PDE11A: variants seen among roughly 807,000 people sequenced by gnomAD.
The protein encoded by PDE11A is phosphodiesterase 11A.
In PDE11A, 100 loss-of-function variants were observed where a neutral mutation model predicts 100.5. The ratio of observed to expected loss-of-function variants is 1.00; its 90% CI spans 0.85 to 1.18. PDE11A has a LOEUF of 1.18. Ranked by LOEUF, PDE11A falls within the 50% of genes most tolerant of loss-of-function variation. The pLI is 0.00. For synonymous variants in PDE11A, 381 were observed against 420.8 expected, an observed-to-expected ratio of 0.91 and a Z score of 1.16; for missense variants, 1,141 against 1,152.6, an observed-to-expected ratio of 0.99 and a Z score of 0.15.
At chr2:177,658,191 C>A (rs2080418812) in intron 19 of PDE11A, among the ~76,000 whole-genome samples, 1 of 152,130 alleles carries the variant, frequency 6.6e-6, no homozygotes, top group Non-Finnish European at 1.5e-5. Context: ...TTGAAGGTCA[C>A]AAAATCATCA....
intron 13 of PDE11A, among the ~76,000 whole-genome samples, chr2:177,710,093 C>A (rs1470064419): frequency 6.6e-6 from 1 of 151,494 alleles, no homozygotes; most frequent in Non-Finnish European, 1.5e-5. Flanking sequence ...AGACAGCCAG[C>A]AGAAAGGGAC....
At position 177,711,750 on chromosome 2, in the gene PDE11A, A is replaced by C; in HGVS notation, c.2153+19T>G. The stretch of plus-strand genomic sequence containing the variant: ...AGAAAGGCAAATGCATTAAAATAAC[A>C]ACAGTTTAGAACACTTACTTAGCTT... On this transcript the variant is annotated intron_variant, in intron 13 of 19. Transcript: ENST00000286063. The C allele has an allele frequency of 1.6e-6, 2 of 1,282,802 alleles. No homozygotes were observed. Among genetic ancestry groups the C allele is most frequent in the Non-Finnish European group, 2.3e-6 (2 of 877,802 alleles). 79.5% of individuals were successfully genotyped at this position (1,282,802 alleles called of 1,614,324 possible).
chr2:177,756,175 G>T (rs909568436), intron 10 of PDE11A, among the ~76,000 whole-genome samples: 1 of 152,294 alleles, frequency 6.6e-6, no homozygotes, highest in South Asian at 2.1e-4. Flanking sequence ...TTGCACCCCA[G>T]GTCAGACAGG....
chr2:177,932,071 A>C (rs1314225925), intron 2 of PDE11A, among the ~76,000 whole-genome samples: 1 of 152,114 alleles, frequency 6.6e-6, no homozygotes, highest in Non-Finnish European at 1.5e-5. Context: ...AGAGGAAATG[A>C]ATATATTCTT....
intron 2 of PDE11A, among the ~76,000 whole-genome samples, chr2:177,977,291 C>A (rs1479530144): frequency 4.2e-5 from 6 of 143,666 alleles, no homozygotes; most frequent in African/African-American, 1.5e-4. Flanking sequence ...TCTTATACAC[C>A]AACAACAGAC....
intron 1 of PDE11A, among the ~76,000 whole-genome samples, chr2:178,031,089 A>G (rs1458901324): frequency 6.6e-6 from 1 of 152,218 alleles, no homozygotes; most frequent in Non-Finnish European, 1.5e-5. Flanking sequence ...TCATATCTTT[A>G]TAAAGGCAGA....
At chr2:177,818,452 G>A (rs565446033) in intron 7 of PDE11A, among the ~76,000 whole-genome samples, 3 of 151,968 alleles carry the variant, frequency 2.0e-5, no homozygotes, top group South Asian at 2.1e-4. Context: ...CCTTGGGCAC[G>A]TTACCTAACT....
At chr2:177,651,106 G>A (rs1559126471) in intron 19 of PDE11A, among the ~76,000 whole-genome samples, 1 of 152,138 alleles carries the variant, frequency 6.6e-6, no homozygotes, top group Non-Finnish European at 1.5e-5. Flanking sequence ...ATCTAACTTG[G>A]TATTGTGAAG....
chr2:178,043,127 T>C (rs1457472936), intron 1 of PDE11A, among the ~76,000 whole-genome samples: 1 of 152,210 alleles, frequency 6.6e-6, no homozygotes, highest in Admixed American at 6.5e-5. Flanking sequence ...TTATATTATA[T>C]CTGGCTGATA....
intron 10 of PDE11A, among the ~76,000 whole-genome samples, chr2:177,736,830 C>A (rs984127845): frequency 6.6e-6 from 1 of 152,308 alleles, no homozygotes; most frequent in South Asian, 2.1e-4. Context: ...GCGGTAAGGA[C>A]TTTAGCTCAT....
chr2:177,988,034 A>G (rs2085961205), intron 2 of PDE11A, among the ~76,000 whole-genome samples: 1 of 152,236 alleles, frequency 6.6e-6, no homozygotes. Context: ...TGCCACACAC[A>G]AAATCTTGTG....
intron 9 of PDE11A, among the ~76,000 whole-genome samples, chr2:177,800,523 T>A (rs1175483743): frequency 2.0e-5 from 3 of 152,170 alleles, no homozygotes; most frequent in Non-Finnish European, 4.4e-5. Flanking sequence ...CTGTAGTTCA[T>A]TCAAAAACCC....
At chr2:177,693,121 G>A (rs527820721) in intron 15 of PDE11A, among the ~76,000 whole-genome samples, 12 of 152,274 alleles carry the variant, frequency 7.9e-5, no homozygotes, top group African/African-American at 2.6e-4. Context: ...GAAACTAATT[G>A]TACGGGGAGC....
intron 10 of PDE11A, among the ~76,000 whole-genome samples, chr2:177,761,816 G>C (rs1029785439): frequency 1.2e-4 from 18 of 152,182 alleles, no homozygotes; most frequent in African/African-American, 3.9e-4. Flanking sequence ...GGGAGCATGG[G>C]AAACAGGCTG....
At chr2:177,761,701 C>T (rs540226316) in intron 10 of PDE11A, among the ~76,000 whole-genome samples, 1 of 151,946 alleles carries the variant, frequency 6.6e-6, no homozygotes, top group Non-Finnish European at 1.5e-5. Flanking sequence ...AGATTGTTAG[C>T]GATTTATATA....
intron 5 of PDE11A, among the ~76,000 whole-genome samples, chr2:177,843,730 GT>G (rs1319390494): frequency 6.6e-6 from 1 of 152,200 alleles, no homozygotes; most frequent in Admixed American, 6.5e-5. Context: ...CTCTCAGGGA[GT>G]TTGCTACTTA....
chr2:177,888,794 A>G (rs2105715469), intron 4 of PDE11A: 1 of 240,326 alleles, frequency 4.2e-6, no homozygotes, highest in Admixed American at 6.5e-5. Flanking sequence ...TTTCCCAAGC[A>G]CAGTGTTGTA....
intron 9 of PDE11A, among the ~76,000 whole-genome samples, chr2:177,816,224 C>A (rs77086034): frequency 1.3e-5 from 2 of 151,834 alleles, no homozygotes; most frequent in East Asian, 1.9e-4. Flanking sequence ...ACAAAAAAAA[C>A]AACTACAGAG....
chr2:178,084,576 G>C (rs940525452), intron 2 of PDE11A, among the ~76,000 whole-genome samples: 3 of 152,194 alleles, frequency 2.0e-5, no homozygotes, highest in African/African-American at 7.2e-5. Flanking sequence ...GAGCAGGCAG[G>C]CTGCAAGCAA....
Sources: gnomAD v4.1 joint callset for allele counts (sites outside exome capture counted in the v4.1 genomes callset) on GRCh38, gnomAD v4.1.1 for gene constraint, MANE v1.5 for transcripts, NCBI Gene and HGNC (gene_info 2026-07-23, HGNC 2026-07-21) for gene names.